PPARGC1A: variants seen among roughly 807,000 people sequenced by gnomAD.
PPARGC1A encodes the protein PPARG coactivator 1 alpha.
A neutral mutation model predicts 88.7 loss-of-function variants in PPARGC1A; 25 were observed. That is an observed-to-expected ratio of 0.28 (90% CI 0.21 to 0.39). The LOEUF (loss-of-function observed/expected upper bound fraction) is 0.39. Among genes scored for constraint, PPARGC1A ranks in the 10% least tolerant of loss-of-function variants. The probability of loss-of-function intolerance (pLI) is 1.00; values close to 1 mark genes in which losing one functional copy is unlikely to be tolerated. For missense variants in PPARGC1A, 880 were observed against 968.7 expected (o/e 0.91, Z 1.22); for synonymous variants, 363 against 355.6 (o/e 1.02, Z -0.24).
At chr4:24,250,570 T>C in the PPARGC1A span, among the ~76,000 whole-genome samples, 1 of 151,650 alleles carries the variant, frequency 6.6e-6, no homozygotes, top group African/African-American at 2.4e-5. Flanking sequence ...TCTGTCCTCA[T>C]GCACAATAAA....
At chr4:23,997,497 C>CTTTTTTTTT in the PPARGC1A span, among the ~76,000 whole-genome samples, 3 of 96,954 alleles carry the variant, frequency 3.1e-5, no homozygotes, top group Non-Finnish European at 5.9e-5. Context: ...CAAGAAAGCC[C>CTTTTTTTTT]TTTTTTTTTT....
the PPARGC1A span, among the ~76,000 whole-genome samples, chr4:24,340,279 C>T: frequency 5.3e-5 from 8 of 152,072 alleles, no homozygotes; most frequent in Non-Finnish European, 1.0e-4. Context: ...GATTTTCTTT[C>T]CCAGTTATAA....
upstream of PPARGC1A, among the ~76,000 whole-genome samples, chr4:23,902,226 G>A (rs1295884598): frequency 6.6e-6 from 1 of 152,124 alleles, no homozygotes; most frequent in Non-Finnish European, 1.5e-5. Flanking sequence ...GATGTGCCTA[G>A]TATTCCTATT....
chr4:24,453,553 G>A, the PPARGC1A span, among the ~76,000 whole-genome samples: 1 of 152,232 alleles, frequency 6.6e-6, no homozygotes, highest in Admixed American at 6.5e-5. Flanking sequence ...GGCCAAGTGG[G>A]TGGATCACCT....
At chr4:23,912,645 G>A in the PPARGC1A span, among the ~76,000 whole-genome samples, 9 of 152,024 alleles carry the variant, frequency 5.9e-5, no homozygotes, top group African/African-American at 2.2e-4. Flanking sequence ...AATTCCCTAT[G>A]AGCTATGAAA....
At chr4:24,318,464 G>A in the PPARGC1A span, among the ~76,000 whole-genome samples, 6 of 152,208 alleles carry the variant, frequency 3.9e-5, no homozygotes, top group African/African-American at 1.2e-4. Flanking sequence ...AAAAGGCAAA[G>A]TAAGTACTTT....
chr4:24,423,167 A>C, the PPARGC1A span, among the ~76,000 whole-genome samples: 932 of 152,246 alleles, frequency 6.1e-3, 8 homozygotes, highest in Non-Finnish European at 9.6e-3. Flanking sequence ...CATAGACAAA[A>C]ATCATTGCTC....
the PPARGC1A span, among the ~76,000 whole-genome samples, chr4:23,914,250 T>A: frequency 6.6e-6 from 1 of 152,232 alleles, no homozygotes; most frequent in Non-Finnish European, 1.5e-5. Context: ...TATTTACTGA[T>A]TCTCTTCATA....
chr4:24,087,202 G>A, the PPARGC1A span, among the ~76,000 whole-genome samples: 1 of 152,190 alleles, frequency 6.6e-6, no homozygotes, highest in Non-Finnish European at 1.5e-5. Context: ...ACTAGCCAGC[G>A]CTGGAACTTG....
At chr4:23,997,246 A>G in the PPARGC1A span, among the ~76,000 whole-genome samples, 1 of 152,204 alleles carries the variant, frequency 6.6e-6, no homozygotes, top group Non-Finnish European at 1.5e-5. Context: ...TTCAGAAATC[A>G]GGAACACATG....
chr4:23,888,750 A>T (rs901665514), intron 1 of PPARGC1A, among the ~76,000 whole-genome samples: 4 of 152,210 alleles, frequency 2.6e-5, no homozygotes. Flanking sequence ...GCCTTGGCCA[A>T]ATTATTTTCA....
At chr4:24,248,778 C>G in the PPARGC1A span, among the ~76,000 whole-genome samples, 1 of 152,166 alleles carries the variant, frequency 6.6e-6, no homozygotes, top group Non-Finnish European at 1.5e-5. Context: ...ACGTCTAATT[C>G]TGGGGAGGAA....
the PPARGC1A span, among the ~76,000 whole-genome samples, chr4:24,149,491 T>C: frequency 6.4e-4 from 97 of 152,320 alleles, no homozygotes; most frequent in Middle Eastern, 3.4e-3. Context: ...GAAAGGCCTG[T>C]TGGATTGCCG....
intron 5 of PPARGC1A, among the ~76,000 whole-genome samples, chr4:23,827,986 TTCTTAAGG>T (rs1406576481): frequency 6.6e-6 from 1 of 152,150 alleles, no homozygotes; most frequent in Non-Finnish European, 1.5e-5. Flanking sequence ...TATTTACTAC[TTCTTAAGG>T]TGTATATAAC....
At chr4:24,432,457 A>T in the PPARGC1A span, among the ~76,000 whole-genome samples, 2 of 152,174 alleles carry the variant, frequency 1.3e-5, no homozygotes, top group African/African-American at 2.4e-5. Context: ...AGCACCAAAG[A>T]CTTAGCGCAA....
At chr4:23,808,111 C>T (rs757005648) in intron 10 of PPARGC1A, among the ~76,000 whole-genome samples, 3 of 151,974 alleles carry the variant, frequency 2.0e-5, no homozygotes, top group South Asian at 2.1e-4. Context: ...ATTAGCCGGG[C>T]GTGGTGGTGG....
chr4:23,915,983 A>T, the PPARGC1A span, among the ~76,000 whole-genome samples: 1 of 152,200 alleles, frequency 6.6e-6, no homozygotes, highest in Admixed American at 6.5e-5. Context: ...TTGGCTTTAA[A>T]TCCTGGCTCT....
the PPARGC1A span, among the ~76,000 whole-genome samples, chr4:24,041,321 CATTTCTCCACCA>C: frequency 1.3e-5 from 2 of 152,168 alleles, no homozygotes; most frequent in Non-Finnish European, 2.9e-5. Flanking sequence ...GAAAGGGCTG[CATTTCTCCACCA>C]AAGGCTACAC....
the PPARGC1A span, among the ~76,000 whole-genome samples, chr4:24,188,094 C>T: frequency 6.6e-6 from 1 of 152,142 alleles, no homozygotes; most frequent in Non-Finnish European, 1.5e-5. Flanking sequence ...TAATATAATT[C>T]CAATGTGTAA....
Sources: allele counts gnomAD v4.1 joint callset (sites outside exome capture counted in the v4.1 genomes callset), GRCh38; gene constraint gnomAD v4.1.1; transcripts MANE v1.5; gene names NCBI Gene and HGNC (gene_info 2026-07-23, HGNC 2026-07-21).